The following FAM170A variants were observed in gnomAD, a reference collection of about 807,000 sequenced individuals.
FAM170A encodes family with sequence similarity 170 member A.
Under a neutral mutation model 36.6 loss-of-function variants are expected in FAM170A, and 28 were observed. The ratio of observed to expected loss-of-function variants is 0.76; its 90% CI spans 0.57 to 1.05. The LOEUF (loss-of-function observed/expected upper bound fraction) is 1.05, where lower values mean the gene tolerates loss of function less well. FAM170A is among the 50% of genes least tolerant of loss of function. FAM170A has a pLI of 0.00. For synonymous variants in FAM170A, 156 were observed against 143.9 expected (o/e 1.08, Z -0.60); for missense variants, 434 against 396.5 (o/e 1.09, Z -0.80).
At chr5:119,629,931 G>A (rs1357081560) in intron 1 of FAM170A, 93 bp downstream of exon 1, 50 of 954,788 alleles carry the variant, frequency 5.2e-5, no homozygotes, top group Non-Finnish European at 7.2e-5. Flanking sequence ...TCGCTCTATC[G>A]CCCAGGCTGG....
intron 1 of FAM170A, among the ~76,000 whole-genome samples, chr5:119,632,249 TG>T (rs1756269555): frequency 1.3e-5 from 2 of 152,230 alleles, no homozygotes; most frequent in African/African-American, 4.8e-5. Flanking sequence ...AGGACTGTTT[TG>T]TTCAGTATTC....
chr5:119,630,543 G>A (rs139435141), intron 1 of FAM170A, among the ~76,000 whole-genome samples: 14 of 152,234 alleles, frequency 9.2e-5, no homozygotes, highest in South Asian at 8.3e-4. Context: ...GGAAGACCTG[G>A]CTGTTGGCTG....
At chr5:119,634,271 G>C in exon 3 of FAM170A, 8 of 1,614,214 alleles carry the variant, frequency 5.0e-6, no homozygotes, top group Non-Finnish European at 5.9e-6. Context: ...TCCCCCCTCT[G>C]ATGTGTCCAC....
chr5:119,634,916 C>A, intron 3 of FAM170A, 112 bp from the exon 4 acceptor site: 2 of 1,412,298 alleles, frequency 1.4e-6, no homozygotes, highest in South Asian at 2.5e-5. Context: ...AATAAAGTCT[C>A]GATTGTAAGT....
At chr5:119,635,061 G>T in exon 4 of FAM170A, 1 of 1,613,856 alleles carries the variant, frequency 6.2e-7, no homozygotes, top group East Asian at 2.2e-5. Flanking sequence ...GATACTGGAA[G>T]ATGGTGTGGC....
exon 3 of FAM170A, chr5:119,634,419 T>C: frequency 6.2e-7 from 1 of 1,614,178 alleles, no homozygotes; most frequent in South Asian, 1.1e-5. Flanking sequence ...CTGGTGACCA[T>C]GGAGAACGGC....
chr5:119,632,184 T>C (rs1452285653), intron 1 of FAM170A, among the ~76,000 whole-genome samples: 1 of 152,250 alleles, frequency 6.6e-6, no homozygotes, highest in Non-Finnish European at 1.5e-5. Flanking sequence ...TATACTTATA[T>C]ATTTCTGCTT....
exon 1 of FAM170A, chr5:119,629,640 G>A (rs1189167631): frequency 5.7e-6 from 4 of 697,560 alleles, no homozygotes; most frequent in South Asian, 1.7e-5. Context: ...AGCTATCTCG[G>A]AGATTCAACT....
rs749870756 is a variant in FAM170A at position 119,634,102 on chromosome 5, T to A, written c.354T>A (p.Cys118Ter). The change falls in exon 3 of 5, where the codon TGT becomes TGA. Residue 118 changes from cysteine (C) to a stop codon, truncating the protein, a stop_gained. Coordinates refer to ENST00000613773, the Ensembl canonical transcript of FAM170A. LOFTEE classifies it high-confidence loss of function. ...ATAAGACTTGTGTGTCCTCTCTGTG[T>A]GTAAACAAAGAGGAAAGGGGCATGA... The A allele has an allele frequency of 1.2e-5, 19 of 1,614,032 alleles. No homozygotes were observed. The highest frequency in any genetic ancestry group is 1.4e-5 in the Non-Finnish European group (16 of 1,180,028).
At position 119,634,138 on chromosome 5, in the gene FAM170A, C is replaced by T. The variant is rs1405370239; in HGVS notation, c.390C>T (p.Tyr130=). ...AGGAAAGGGGCATGAAAATATACTA[C>T]ATGCAGGTACAAATGAACAAAGGTG... The change falls in exon 3 of 5, where the codon TAC becomes TAT. Residue 130 remains tyrosine, a synonymous_variant. Coordinates refer to ENST00000613773, the Ensembl canonical transcript of FAM170A. 4 of 1,614,058 alleles carry T rather than the reference C, an allele frequency of 2.5e-6. No homozygotes were observed. In the East Asian group the frequency reaches 8.9e-5, roughly 36 times the overall value.
At position 119,634,744 on chromosome 5, in the gene FAM170A, G is replaced by A. The variant is rs1400887575; in HGVS notation, c.986+10G>A. ...CTCCAAAGGACAGGAAGTGAGCAAA[G>A]CCTGGGTTGTGGGTCTGCTGAGGGA... On this transcript the variant is annotated intron_variant, in intron 3 of 4. Coordinates refer to ENST00000613773, the Ensembl canonical transcript of FAM170A. 1 of 1,527,992 alleles carries A rather than the reference G, an allele frequency of 6.5e-7. No individual in the cohort carries two copies. Among genetic ancestry groups the A allele is most frequent in the Non-Finnish European group, 8.8e-7 (1 of 1,140,336 alleles). The allele number at this position is 1,527,992 out of a possible 1,614,324, so 94.7% of individuals were successfully genotyped here.
chr5:119,632,750 A>C, exon 2 of FAM170A: 1 of 1,586,786 alleles, frequency 6.3e-7, no homozygotes. Context: ...TTTCTCAGGA[A>C]TGTCAAAGTC....
intron 2 of FAM170A, 126 bp downstream of exon 2, chr5:119,633,014 A>G: frequency 9.1e-7 from 1 of 1,100,096 alleles, no homozygotes; most frequent in Non-Finnish European, 1.2e-6. Context: ...TGGGTGTAAG[A>G]CTCTTTGGGA....
intron 1 of FAM170A, among the ~76,000 whole-genome samples, chr5:119,632,199 T>G (rs1310206045): frequency 1.3e-5 from 2 of 152,246 alleles, no homozygotes; most frequent in Non-Finnish European, 2.9e-5. Flanking sequence ...CTGCTTAATG[T>G]CTGTCTTCCT....
At position 119,632,847 on chromosome 5, in the gene FAM170A, A is replaced by G. The variant is rs759615667; in HGVS notation, c.170A>G (p.Tyr57Cys). The change falls in exon 2 of 5, where the codon TAC (tyrosine) becomes TGC (cysteine). Residue 57 changes from tyrosine (Y) to cysteine (C), a missense_variant. Coordinates refer to ENST00000613773, the Ensembl canonical transcript of FAM170A. ...GGAGAAGTTACTTCTACCTCCGAAT[A>G]CTGCTCCTGCGTTTCTTCTTCACGC... The G allele has an allele frequency of 6.2e-6, 10 of 1,612,708 alleles. No homozygotes were observed. In the African/African-American group the frequency reaches 1.3e-4, roughly 22 times the overall value.
rs200551505 is a variant in FAM170A at position 119,634,427 on chromosome 5, G to C, written c.679G>C (p.Gly227Arg). 3.7e-6 allele frequency: 6 copies of C among 1,614,032 alleles called. No homozygotes were observed. In the South Asian group the frequency reaches 6.6e-5, roughly 18 times the overall value. The change falls in exon 3 of 5, where the codon GGC (glycine) becomes CGC (arginine). Residue 227 changes from glycine (G) to arginine (R), a missense_variant. Physicochemically the swap from Gly to Arg is moderately radical, Grantham distance 125 (BLOSUM62 -2). Coordinates refer to ENST00000613773, the Ensembl canonical transcript of FAM170A. Reference sequence around the variant, plus strand: ...TGACTGGCTGGTGACCATGGAGAACGGCTTCAGGTGCATGGCCTGCTGCCG... The same window carrying C: ...TGACTGGCTGGTGACCATGGAGAACCGCTTCAGGTGCATGGCCTGCTGCCG...
At chr5:119,632,415 A>G (rs1177067791) in intron 1 of FAM170A, among the ~76,000 whole-genome samples, 2 of 152,208 alleles carry the variant, frequency 1.3e-5, no homozygotes. Flanking sequence ...TAAACACAAA[A>G]CTATGCACAC....
chr5:119,634,568 G>C (rs1485439580), exon 3 of FAM170A: 1 of 1,613,610 alleles, frequency 6.2e-7, no homozygotes, highest in Non-Finnish European at 8.5e-7. Flanking sequence ...CATGGAATCA[G>C]AGAGCACCCA....
At chr5:119,630,321 A>ATT (rs10603530) in intron 1 of FAM170A, among the ~76,000 whole-genome samples, 98 of 118,344 alleles carry the variant, frequency 8.3e-4, no homozygotes, top group African/African-American at 2.3e-3. Context: ...CGCCTGGCTA[A>ATT]TTTTTTTTTT....
Sources: allele counts gnomAD v4.1 joint callset (sites outside exome capture counted in the v4.1 genomes callset), GRCh38; gene constraint gnomAD v4.1.1; transcripts MANE v1.5; gene names NCBI Gene and HGNC (gene_info 2026-07-23, HGNC 2026-07-21).